Variants in FBN1 observed in about 807,000 individuals in gnomAD.
The protein encoded by FBN1 is fibrillin-1.
Under a neutral mutation model 365.1 loss-of-function variants are expected in FBN1, and 29 were observed. The observed-to-expected ratio is 0.08, with a 90% CI of 0.06 to 0.11. FBN1 has a LOEUF of 0.11. Among genes scored for constraint, FBN1 ranks in the 10% least tolerant of loss-of-function variants. The probability of loss-of-function intolerance (pLI) is 1.00; values close to 1 mark genes in which losing one functional copy is unlikely to be tolerated. For synonymous variants in FBN1, 1,210 were observed against 1,270.5 expected, an observed-to-expected ratio of 0.95 and a Z score of 1.01; for missense variants, 2,476 against 3,703.2, an observed-to-expected ratio of 0.67 and a Z score of 8.60.
intron 6 of FBN1, among the ~76,000 whole-genome samples, chr15:48,558,982 C>A (rs535265969): frequency 7.9e-5 from 12 of 152,168 alleles, no homozygotes; most frequent in African/African-American, 2.4e-4. Context: ...ACACTGGGAA[C>A]AAGAAGTGCC....
intron 10 of FBN1, 89 bp from the exon 11 acceptor site, chr15:48,516,451 TA>T (rs1222146368): frequency 1.5e-6 from 2 of 1,339,656 alleles, no homozygotes; most frequent in East Asian, 4.9e-5. Context: ...TTTTTAAAGA[TA>T]TTTTTGAATA....
At chr15:48,485,325 T>A (rs1331526517) in intron 30 of FBN1, 49 bp downstream of exon 30, 1 of 1,613,820 alleles carries the variant, frequency 6.2e-7, no homozygotes. Context: ...TAAACTACTT[T>A]ACTTAGGAAC....
intron 8 of FBN1, among the ~76,000 whole-genome samples, chr15:48,527,776 T>G (rs2043926739): frequency 6.6e-6 from 1 of 152,252 alleles, no homozygotes; most frequent in Non-Finnish European, 1.5e-5. Flanking sequence ...ATTTCACTGC[T>G]TATATTAGAG....
chr15:48,497,187 A>G, intron 19 of FBN1, 79 bp downstream of exon 19: 2 of 1,572,918 alleles, frequency 1.3e-6, no homozygotes, highest in South Asian at 2.2e-5. Flanking sequence ...TAAGCTACTC[A>G]AAGGCAGTTT....
At chr15:48,425,237 G>A in intron 60 of FBN1, 132 bp downstream of exon 60, 3 of 1,182,962 alleles carry the variant, frequency 2.5e-6, no homozygotes, top group Non-Finnish European at 3.8e-6. Flanking sequence ...GTCCCATGGA[G>A]GCATTAACCC....
chr15:48,463,276 G>A (rs1222993957), intron 41 of FBN1, 36 bp from the exon 42 acceptor site: 4 of 1,597,978 alleles, frequency 2.5e-6, no homozygotes, highest in East Asian at 2.2e-5. Context: ...TGGAGGGTTG[G>A]TGATGCCATG....
chr15:48,484,414 C>T (rs1409842848), intron 30 of FBN1, among the ~76,000 whole-genome samples: 2 of 151,654 alleles, frequency 1.3e-5, no homozygotes, highest in Non-Finnish European at 2.9e-5. Context: ...ACTCTGTCAC[C>T]AGGCTGGAGT....
At chr15:48,513,803 C>A (rs894831492) in intron 12 of FBN1, 135 bp from the exon 13 acceptor site, 9 of 995,684 alleles carry the variant, frequency 9.0e-6, no homozygotes, top group South Asian at 1.4e-5. Flanking sequence ...GATCTTTTTT[C>A]TTTCCACTAC....
Position 48,487,421 on chromosome 15 carries a change from C to A in FBN1, c.3354G>T (p.Gln1118His). Residue 1118 changes from glutamine (Q) to histidine (H), a missense_variant, in exon 28 of 66, where the codon CAG becomes CAT. Gln to His is a conservative substitution (Grantham distance 24). This residue lies in a region of FBN1 where 1,780 missense variants were observed against 2,840.8 expected (regional missense o/e 0.63). Coordinates refer to ENST00000316623, the MANE Select transcript of FBN1 (RefSeq NM_000138.5). Reference sequence around the variant, plus strand: ...CACCTCGGCATAGGAGAGGATCTCTCTGACACTCATCAATATCTGCAAAAT... The same window carrying A: ...CACCTCGGCATAGGAGAGGATCTCTATGACACTCATCAATATCTGCAAAAT... ...MKNCMDIDEC[Q>H]RDPLLCRGGV... 1 of 1,614,090 alleles carries A rather than the reference C, an allele frequency of 6.2e-7. No individual in the cohort carries two copies. Among genetic ancestry groups the A allele is most frequent in the African/African-American group, 1.3e-5 (1 of 75,050 alleles).
rs2043306907 is a variant in FBN1 at position 48,464,702 on chromosome 15, T to C, written c.4943-681A>G. Among the ~76,000 whole-genome samples the C allele has an allele frequency of 2.6e-5, 4 of 152,194 alleles. No homozygotes were observed. In the South Asian group the frequency reaches 8.3e-4, roughly 31 times the overall value. Reference sequence around the variant, plus strand: ...CCCTTAGGAAGACAAGTACGCTTCTTATGCTCACAAAATCTATGATAGGGT... The same window carrying C: ...CCCTTAGGAAGACAAGTACGCTTCTCATGCTCACAAAATCTATGATAGGGT... On this transcript the variant is annotated intron_variant, in intron 40 of 65. Coordinates refer to ENST00000316623, the MANE Select transcript of FBN1 (RefSeq NM_000138.5).
chr15:48,545,753 G>A (rs2044089004), intron 6 of FBN1, among the ~76,000 whole-genome samples: 1 of 152,170 alleles, frequency 6.6e-6, no homozygotes, highest in Admixed American at 6.5e-5. Context: ...CTGGCACAGT[G>A]GCTCATGCCT....
chr15:48,446,921 C>T, intron 46 of FBN1, 99 bp from the exon 47 acceptor site: 1 of 774,756 alleles, frequency 1.3e-6, no homozygotes, highest in Non-Finnish European at 2.3e-6. Flanking sequence ...CACCAGGCCT[C>T]ATCCATAGGC....
intron 33 of FBN1, 52 bp from the exon 34 acceptor site, chr15:48,474,429 C>G: frequency 6.2e-7 from 1 of 1,612,010 alleles, no homozygotes; most frequent in Non-Finnish European, 8.5e-7. Flanking sequence ...TATTTAAAAC[C>G]AATAATACAC....
chr15:48,483,983 T>C (rs758657714), intron 30 of FBN1, 40 bp from the exon 31 acceptor site: 1 of 1,606,290 alleles, frequency 6.2e-7, no homozygotes, highest in Admixed American at 1.7e-5. Context: ...TTGTTGATAT[T>C]GGTTCCACTG....
intron 60 of FBN1, among the ~76,000 whole-genome samples, chr15:48,425,079 C>T (rs2042968773): frequency 6.6e-6 from 1 of 152,006 alleles, no homozygotes. Context: ...TAAGAATCTG[C>T]CCCACCAGAG....
intron 2 of FBN1, among the ~76,000 whole-genome samples, chr15:48,630,731 C>CAAAA (rs11393587): frequency 9.9e-5 from 11 of 111,042 alleles, no homozygotes; most frequent in South Asian, 3.5e-4. Flanking sequence ...GACTCCATCT[C>CAAAA]AAAAAAAAAA....
At chr15:48,583,613 C>T (rs961758592) in intron 6 of FBN1, among the ~76,000 whole-genome samples, 1 of 152,090 alleles carries the variant, frequency 6.6e-6, no homozygotes, top group Non-Finnish European at 1.5e-5. Flanking sequence ...TCTTATATTT[C>T]GTTATTGGCC....
chr15:48,439,645 T>C (rs1256381423), intron 50 of FBN1, among the ~76,000 whole-genome samples: 2 of 152,216 alleles, frequency 1.3e-5, no homozygotes, highest in South Asian at 4.1e-4. Flanking sequence ...AGTGTTTCTT[T>C]AAATATGTAT....
chr15:48,539,141 A>G (rs2044036671), intron 6 of FBN1, among the ~76,000 whole-genome samples: 1 of 151,984 alleles, frequency 6.6e-6, no homozygotes, highest in Non-Finnish European at 1.5e-5. Context: ...TTTTTCTTGC[A>G]TCTCCACTCC....
Sources: gnomAD v4.1 joint callset for allele counts (sites outside exome capture counted in the v4.1 genomes callset) on GRCh38, gnomAD v4.1.1 for gene constraint, gnomAD v4.1.1 regional missense constraint, MANE v1.5 for transcripts, NCBI Gene and HGNC (gene_info 2026-07-23, HGNC 2026-07-21) for gene names.